ZNF827: variants seen among roughly 807,000 people sequenced by gnomAD.
ZNF827 encodes zinc finger protein 827.
A neutral mutation model predicts 102.4 loss-of-function variants in ZNF827; 13 were observed. The observed-to-expected ratio is 0.13, with a 90% CI of 0.08 to 0.20. The LOEUF is 0.20. Ranked by LOEUF, ZNF827 falls within the 10% of genes least tolerant of loss-of-function variation. The pLI, the probability that ZNF827 is intolerant of heterozygous loss-of-function variation, is 1.00. For missense variants in ZNF827, 1,103 were observed against 1,344.4 expected, an observed-to-expected ratio of 0.82 and a Z score of 2.81; for synonymous variants, 523 against 536.2, an observed-to-expected ratio of 0.98 and a Z score of 0.34.
At chr4:145,926,027 T>C (rs1031118417) in intron 1 of ZNF827, among the ~76,000 whole-genome samples, 3 of 152,218 alleles carry the variant, frequency 2.0e-5, no homozygotes, top group Admixed American at 6.5e-5. Context: ...TTTATGAAAA[T>C]ACTTTTCAAG....
At chr4:145,863,671 G>A (rs985610777) in intron 5 of ZNF827, among the ~76,000 whole-genome samples, 1 of 150,278 alleles carries the variant, frequency 6.7e-6, no homozygotes, top group Non-Finnish European at 1.5e-5. Flanking sequence ...CATATGAAAC[G>A]TCCAGAATGG....
chr4:145,925,769 G>T (rs1386871447), intron 1 of ZNF827, among the ~76,000 whole-genome samples: 2 of 152,188 alleles, frequency 1.3e-5, no homozygotes, highest in Non-Finnish European at 2.9e-5. Flanking sequence ...GTACTTTAGA[G>T]AATTGTTTCC....
At chr4:145,768,916 T>TATATATATATAAAA (rs34051922) in intron 11 of ZNF827, among the ~76,000 whole-genome samples, 930 of 34,342 alleles carry the variant, frequency 0.027, 212 homozygotes, top group Non-Finnish European at 0.035. Flanking sequence ...TATATATATA[T>TATATATATATAAAA]TAGGTATACA....
chr4:145,923,295 A>T (rs1004274374), intron 1 of ZNF827, among the ~76,000 whole-genome samples: 1 of 152,188 alleles, frequency 6.6e-6, no homozygotes, highest in African/African-American at 2.4e-5. Context: ...CAGATATGCC[A>T]TCCAAAACAT....
Position 145,859,731 on chromosome 4 carries a change from GC to G in ZNF827, c.1982-10171del, listed in dbSNP as rs1747521493. 2.6e-5 allele frequency among the ~76,000 whole-genome samples: 4 copies of G among 152,262 alleles called. 1 individual carries two copies. Among genetic ancestry groups the G allele is most frequent in the Admixed American group, 2.6e-4 (4 of 15,302 alleles). On this transcript the variant is annotated intron_variant, in intron 5 of 14. Transcript: ENST00000508784. ...AGCAGGTGCTGAAGAGCCAGAAACA[GC>G]CAACCAGATGGCAGGGGGAAGAGGA...
chr4:145,778,978 G>A (rs539149506), intron 9 of ZNF827, among the ~76,000 whole-genome samples: 20 of 152,204 alleles, frequency 1.3e-4, no homozygotes, highest in African/African-American at 4.6e-4. Flanking sequence ...CATAAATAAA[G>A]GCAGAAGCTG....
At chr4:145,886,249 C>T in intron 3 of ZNF827, 91 bp from the exon 4 acceptor site, 1 of 1,475,098 alleles carries the variant, frequency 6.8e-7, no homozygotes, top group Non-Finnish European at 9.0e-7. Context: ...ATCATTTCCT[C>T]ACCGTGCAAA....
chr4:145,921,736 G>A lies in ZNF827; in HGVS notation c.43+16629C>T, dbSNP rs149691393. Among the ~76,000 whole-genome samples the A allele has an allele frequency of 5.5e-3, 840 of 152,220 alleles. 9 individuals are homozygous for A. The highest frequency in any genetic ancestry group is 0.019 in the African/African-American group (769 of 41,538). On this transcript the variant is annotated intron_variant, in intron 1 of 14. Transcript: ENST00000508784. ...TGAGGACAGCAACCCAGAAAAAGAA[G>A]ACACGAAGACCAGAAATACTCCTAA... is the stretch of plus-strand genomic sequence containing the variant.
intron 1 of ZNF827, among the ~76,000 whole-genome samples, chr4:145,933,437 A>G (rs1296385953): frequency 1.3e-5 from 2 of 152,240 alleles, no homozygotes; most frequent in African/African-American, 4.8e-5. Flanking sequence ...AAAAGAGTTC[A>G]ATCTTTCTTT....
At chr4:145,907,296 T>A in intron 1 of ZNF827, 1 of 443,872 alleles carries the variant, frequency 2.3e-6, no homozygotes, top group South Asian at 1.6e-5. Context: ...CTAGCTATGG[T>A]GAGCTCTCCT....
At chr4:145,874,916 T>C (rs1749023066) in intron 4 of ZNF827, among the ~76,000 whole-genome samples, 1 of 152,200 alleles carries the variant, frequency 6.6e-6, no homozygotes, top group Non-Finnish European at 1.5e-5. Flanking sequence ...GTTTATGTAC[T>C]TGATGGAGGT....
At chr4:145,925,808 C>T (rs924434590) in intron 1 of ZNF827, among the ~76,000 whole-genome samples, 1 of 152,172 alleles carries the variant, frequency 6.6e-6, no homozygotes, top group Non-Finnish European at 1.5e-5. Flanking sequence ...TAGAGTTCAA[C>T]GCTTCTCATC....
chr4:145,876,851 A>G (rs1262820583), intron 4 of ZNF827: 1 of 152,182 alleles, frequency 6.6e-6, no homozygotes, highest in Non-Finnish European at 1.5e-5. Flanking sequence ...TCTTTAATTG[A>G]GGAGATCCTG....
intron 8 of ZNF827, among the ~76,000 whole-genome samples, chr4:145,787,984 T>C (rs1317744016): frequency 6.6e-6 from 1 of 152,138 alleles, no homozygotes; most frequent in African/African-American, 2.4e-5. Flanking sequence ...CTGTTTTACA[T>C]ATAAGAAAAC....
chr4:145,814,240 G>A (rs1346081840), intron 8 of ZNF827, among the ~76,000 whole-genome samples: 1 of 152,036 alleles, frequency 6.6e-6, no homozygotes, highest in East Asian at 1.9e-4. Flanking sequence ...TTTGGATAAG[G>A]GATACTCAAC....
chr4:145,783,079 T>C (rs1738331905), intron 8 of ZNF827, among the ~76,000 whole-genome samples: 1 of 152,154 alleles, frequency 6.6e-6, no homozygotes, highest in Non-Finnish European at 1.5e-5. Context: ...AAGCCATATA[T>C]ATATATATTC....
At chr4:145,838,105 C>T (rs977174363) in intron 7 of ZNF827, among the ~76,000 whole-genome samples, 1 of 152,164 alleles carries the variant, frequency 6.6e-6, no homozygotes, top group Non-Finnish European at 1.5e-5. Context: ...GTGACTTGCA[C>T]GTATATGCCC....
rs1006984807 is a variant in ZNF827 at position 145,761,851 on chromosome 4, C to A, written c.*18-253G>T. Among the ~76,000 whole-genome samples, 1 of 152,216 alleles carries A rather than the reference C, an allele frequency of 6.6e-6. No homozygotes were observed. Among genetic ancestry groups the A allele is most frequent in the African/African-American group, 2.4e-5 (1 of 41,460 alleles). ...CCTATTCTGGGTCTCTTGGCCGATACAGGCAAGGCCAGCCCTCACCAAGGG... is the reference window on the plus strand; with the variant it reads ...CCTATTCTGGGTCTCTTGGCCGATAAAGGCAAGGCCAGCCCTCACCAAGGG... On this transcript the variant is annotated intron_variant, in intron 14 of 14. Transcript: ENST00000508784. This position sits in a 1 kb window ranked among gnomAD's most constrained non-coding sequence, Gnocchi z 6.8.
At chr4:145,842,269 G>C (rs1745493128) in intron 7 of ZNF827, among the ~76,000 whole-genome samples, 1 of 152,150 alleles carries the variant, frequency 6.6e-6, no homozygotes, top group Non-Finnish European at 1.5e-5. Context: ...TCGTATAACA[G>C]AGGTATCAAC....
Sources: allele counts gnomAD v4.1 joint callset (sites outside exome capture counted in the v4.1 genomes callset), GRCh38; gene constraint gnomAD v4.1.1; non-coding constraint Gnocchi (gnomAD v3.1); transcripts MANE v1.5; gene names NCBI Gene and HGNC (gene_info 2026-07-23, HGNC 2026-07-21).